SYT16: variants seen among roughly 807,000 people sequenced by gnomAD.
SYT16 encodes synaptotagmin-16.
In SYT16, 42 loss-of-function variants were observed where a neutral mutation model predicts 61.4. The ratio of observed to expected loss-of-function variants is 0.68; its 90% CI spans 0.53 to 0.89. The LOEUF (loss-of-function observed/expected upper bound fraction) is 0.89, where lower values mean the gene tolerates loss of function less well. SYT16 is among the 40% of genes least tolerant of loss of function. SYT16 has a pLI of 0.00. For synonymous variants in SYT16, 314 were observed against 302.3 expected, an observed-to-expected ratio of 1.04 and a Z score of -0.40; for missense variants, 804 against 807.3, an observed-to-expected ratio of 1.00 and a Z score of 0.05.
At chr14:62,045,500 G>C (rs1175384324) in intron 3 of SYT16, among the ~76,000 whole-genome samples, 1 of 151,920 alleles carries the variant, frequency 6.6e-6, no homozygotes, top group African/African-American at 2.4e-5. Flanking sequence ...TGTACACAAC[G>C]TGCAGGTTTG....
intron 3 of SYT16, among the ~76,000 whole-genome samples, chr14:62,047,662 T>G (rs2055055844): frequency 8.2e-6 from 1 of 121,524 alleles, no homozygotes. Context: ...AATAACTAAT[T>G]TATTGAGAGT....
rs78832755 is a variant in SYT16 at position 62,037,550 on chromosome 14, A to C, written c.524-32053A>C. ...AACTGGAATGTTTTTCTTGTCGTTA[A>C]GATTGTTTTAACTGAGATGAGGTTA... On this transcript the variant is annotated intron_variant, in intron 3 of 7. Transcript: ENST00000683842. 9.4e-3 allele frequency among the ~76,000 whole-genome samples: 1,438 copies of C among 152,332 alleles called. 19 individuals are homozygous for C. The highest frequency in any genetic ancestry group is 0.033 in the African/African-American group (1,362 of 41,576).
chr14:61,858,557 T>G (rs2046855750), intron 1 of SYT16, among the ~76,000 whole-genome samples: 1 of 152,170 alleles, frequency 6.6e-6, no homozygotes, highest in Admixed American at 6.5e-5. Flanking sequence ...ACCCAGGATT[T>G]GCCTGTTCCA....
chr14:62,094,676 C>T (rs1006771724), intron 7 of SYT16, among the ~76,000 whole-genome samples: 1 of 151,970 alleles, frequency 6.6e-6, no homozygotes, highest in African/African-American at 2.4e-5. Context: ...CACATATTTT[C>T]AGGAAAATAG....
chr14:61,906,371 T>C (rs963920001), intron 1 of SYT16, among the ~76,000 whole-genome samples: 1 of 152,188 alleles, frequency 6.6e-6, no homozygotes, highest in Non-Finnish European at 1.5e-5. Context: ...TAGCCTCGAA[T>C]GCCTGGGTTC....
chr14:62,065,758 G>A (rs1595329180), intron 3 of SYT16, among the ~76,000 whole-genome samples: 1 of 152,294 alleles, frequency 6.6e-6, no homozygotes, highest in Admixed American at 6.5e-5. Flanking sequence ...TCTAAAGGTG[G>A]AAGTAGTTTG....
chr14:62,075,720 T>C (rs1215662130), intron 5 of SYT16, among the ~76,000 whole-genome samples: 1 of 152,132 alleles, frequency 6.6e-6, no homozygotes, highest in Non-Finnish European at 1.5e-5. Context: ...TTTTAAATAA[T>C]GGAATTTTCA....
At position 62,054,734 on chromosome 14, in the gene SYT16, C is replaced by T. The variant is rs577196993; in HGVS notation, c.524-14869C>T. ...TATTTGGATATATTCATTATAGAGT[C>T]GATGCTGAAGGGAGTTTATAACTGC... On this transcript the variant is annotated intron_variant, in intron 3 of 7. Coordinates refer to ENST00000683842, the MANE Select transcript of SYT16 (RefSeq NM_001367656.1). 8.2e-4 allele frequency among the ~76,000 whole-genome samples: 125 copies of T among 152,184 alleles called. No homozygotes were observed. The Middle Eastern group carries it at 0.02, about 25-fold the overall frequency.
chr14:61,859,866 A>T (rs1245026673), intron 1 of SYT16, among the ~76,000 whole-genome samples: 1 of 152,214 alleles, frequency 6.6e-6, no homozygotes, highest in African/African-American at 2.4e-5. Context: ...ATTTGAAGGC[A>T]TCTTAAGGTT....
chr14:61,933,207 T>C lies in SYT16; in HGVS notation c.-324-36925T>C, dbSNP rs149846616. On this transcript the variant is annotated intron_variant, in intron 1 of 7. Transcript: ENST00000683842. ...CTTAGTGCTGACAGTTAAATCACCATGCTGCCTGTCAGAGATGAGAGCCGG... is the reference window on the plus strand; with the variant it reads ...CTTAGTGCTGACAGTTAAATCACCACGCTGCCTGTCAGAGATGAGAGCCGG... Among the ~76,000 whole-genome samples, 253 of 152,244 alleles carry C rather than the reference T, an allele frequency of 1.7e-3. 3 individuals are homozygous for C. The highest frequency in any genetic ancestry group is 5.8e-3 in the African/African-American group (241 of 41,534).
chr14:61,886,028 G>T (rs963833007), intron 1 of SYT16, among the ~76,000 whole-genome samples: 1 of 150,360 alleles, frequency 6.7e-6, no homozygotes, highest in African/African-American at 2.5e-5. Context: ...GCAGTGGAGC[G>T]ATCTTGGCTC....
At chr14:62,024,018 C>A (rs146416113) in intron 3 of SYT16, among the ~76,000 whole-genome samples, 1 of 152,174 alleles carries the variant, frequency 6.6e-6, no homozygotes, top group East Asian at 1.9e-4. Flanking sequence ...TTAAAATATG[C>A]CTTTCCACTT....
rs79040975 is a variant in SYT16 at position 62,065,401 on chromosome 14, G to A, written c.524-4202G>A. ...TGGGTAGATGCAAAGTCCCAAGAAG[G>A]TAGCTGGTATATATGTTTAGTATAT... On this transcript the variant is annotated intron_variant, in intron 3 of 7. Coordinates refer to ENST00000683842, the MANE Select transcript of SYT16 (RefSeq NM_001367656.1). Among the ~76,000 whole-genome samples the A allele has an allele frequency of 3.0e-3, 462 of 152,168 alleles. 3 individuals carry two copies. The highest frequency in any genetic ancestry group is 9.4e-3 in the African/African-American group (392 of 41,496).
intron 1 of SYT16, among the ~76,000 whole-genome samples, chr14:61,927,372 A>C (rs1357631350): frequency 6.6e-6 from 1 of 152,206 alleles, no homozygotes; most frequent in Non-Finnish European, 1.5e-5. Flanking sequence ...TTATTGTAGG[A>C]GCTTTAGGCA....
chr14:62,033,746 T>C (rs2054397341), intron 3 of SYT16, among the ~76,000 whole-genome samples: 1 of 152,006 alleles, frequency 6.6e-6, no homozygotes, highest in East Asian at 1.9e-4. Flanking sequence ...GTTAAAACAA[T>C]AAAACTTTTA....
intron 1 of SYT16, among the ~76,000 whole-genome samples, chr14:61,813,040 G>A (rs1200062541): frequency 6.6e-6 from 1 of 152,258 alleles, no homozygotes; most frequent in Non-Finnish European, 1.5e-5. Flanking sequence ...CGAGGCGGAG[G>A]GACCCTCGAT....
intron 1 of SYT16, among the ~76,000 whole-genome samples, chr14:61,819,530 T>G (rs2045550032): frequency 6.6e-6 from 1 of 152,222 alleles, no homozygotes; most frequent in South Asian, 2.1e-4. Context: ...TGGCGTCTAA[T>G]TTTAGGAATA....
intron 1 of SYT16, among the ~76,000 whole-genome samples, chr14:61,925,077 A>G (rs2049482141): frequency 6.6e-6 from 1 of 152,314 alleles, no homozygotes; most frequent in Non-Finnish European, 1.5e-5. Flanking sequence ...CGCCCTCTTG[A>G]TTTGGCACAG....
intron 1 of SYT16, among the ~76,000 whole-genome samples, chr14:61,833,191 C>T (rs2045996397): frequency 6.6e-6 from 1 of 152,032 alleles, no homozygotes; most frequent in African/African-American, 2.4e-5. Flanking sequence ...AACAATTCAT[C>T]TTGGAGTATT....
Sources: gnomAD v4.1 joint callset for allele counts (sites outside exome capture counted in the v4.1 genomes callset) on GRCh38, gnomAD v4.1.1 for gene constraint, MANE v1.5 for transcripts, NCBI Gene and HGNC (gene_info 2026-07-23, HGNC 2026-07-21) for gene names.